The following RB1CC1 variants were observed in gnomAD, a reference collection of about 807,000 sequenced individuals.
RB1CC1 encodes the protein RB1 inducible coiled-coil 1, also known as RB1-inducible coiled-coil protein 1.
A neutral mutation model predicts 177.5 loss-of-function variants in RB1CC1; 46 were observed. The ratio of observed to expected loss-of-function variants is 0.26; its 90% confidence interval spans 0.20 to 0.33. RB1CC1 has a LOEUF of 0.33. Among genes scored for constraint, RB1CC1 ranks in the 10% least tolerant of loss-of-function variants. RB1CC1 has a pLI of 1.00. For synonymous variants in RB1CC1, 666 were observed against 613.6 expected, an observed-to-expected ratio of 1.09 and a Z score of -1.26; for missense variants, 1,703 against 1,816.3, an observed-to-expected ratio of 0.94 and a Z score of 1.13.
intron 8 of RB1CC1, among the ~76,000 whole-genome samples, chr8:52,662,082 A>C (rs554100494): frequency 6.6e-6 from 1 of 152,230 alleles, no homozygotes; most frequent in South Asian, 2.1e-4. Flanking sequence ...AAAAACAATA[A>C]GGGATTTAAT....
At chr8:52,643,039 T>C in intron 16 of RB1CC1, 1 of 370,766 alleles carries the variant, frequency 2.7e-6, no homozygotes, top group Non-Finnish European at 4.5e-6. Flanking sequence ...TTCTTATTAT[T>C]GTCCATATAT....
chr8:52,674,207 T>C lies in RB1CC1; in HGVS notation c.640A>G (p.Arg214Gly). The C allele has an allele frequency of 6.2e-7, 1 of 1,612,420 alleles. No individual in the cohort carries two copies. The change falls in exon 7 of 24, where the codon AGA becomes GGA. Residue 214 changes from arginine (R) to glycine (G), a missense_variant. Around this residue, in one of 6 missense-constraint regions of RB1CC1, gnomAD observed 315 missense variants for 304.9 expected, o/e 1.03. Transcript: ENST00000025008. ...LLECLTRHSY[R>G]ECLGRLDSLP... The stretch of plus-strand genomic sequence containing the variant: ...GAATCCAGTCTTCCCAAACATTCTC[T>C]GTAACTATGTCTGGTTAGGCACTCC...
At chr8:52,693,881 C>A (rs927125067) in intron 1 of RB1CC1, among the ~76,000 whole-genome samples, 1 of 152,122 alleles carries the variant, frequency 6.6e-6, no homozygotes, top group African/African-American at 2.4e-5. Context: ...ACCACCATGG[C>A]ACATGTTTAC....
chr8:52,680,819 C>G (rs529253867), intron 5 of RB1CC1, among the ~76,000 whole-genome samples: 4 of 152,202 alleles, frequency 2.6e-5, no homozygotes, highest in African/African-American at 9.6e-5. Context: ...CTACATTATT[C>G]CATTTATTTA....
intron 7 of RB1CC1, among the ~76,000 whole-genome samples, chr8:52,670,297 T>C (rs758726030): frequency 6.6e-6 from 1 of 152,226 alleles, no homozygotes; most frequent in Admixed American, 6.5e-5. Flanking sequence ...TAAAAATCTT[T>C]GAAGAAATGT....
chr8:52,641,911 G>A (rs1302080923), intron 18 of RB1CC1, among the ~76,000 whole-genome samples: 3 of 151,972 alleles, frequency 2.0e-5, no homozygotes, highest in African/African-American at 7.3e-5. Flanking sequence ...AGTAAGCTCT[G>A]CCACGATTTC....
At chr8:52,676,872 T>A (rs1853179805) in intron 5 of RB1CC1, among the ~76,000 whole-genome samples, 1 of 152,234 alleles carries the variant, frequency 6.6e-6, no homozygotes, top group Non-Finnish European at 1.5e-5. Context: ...ATCTGCCATC[T>A]CAAATGTCAC....
Position 52,623,190 on chromosome 8 carries a change from T to G in RB1CC1, c.*592A>C, listed in dbSNP as rs575720283. The stretch of plus-strand genomic sequence containing the variant: ...TATGGCTGATCTTAAAATCAGTCAA[T>G]CAAATTACAGTTCCTTTTTTTTTTT... On this transcript the variant is annotated 3_prime_UTR_variant, in exon 24 of 24. Coordinates refer to ENST00000025008, the MANE Select transcript of RB1CC1 (RefSeq NM_014781.5). 3 of 151,310 alleles carry G rather than the reference T, an allele frequency of 2.0e-5. No homozygotes were observed. Among genetic ancestry groups the G allele is most frequent in the Non-Finnish European group, 4.3e-5 (3 of 69,562 alleles). The allele number at this position is 151,310 out of a possible 1,614,324, so 9.4% of individuals were successfully genotyped here.
At chr8:52,651,864 T>C (rs1850617369) in intron 15 of RB1CC1, among the ~76,000 whole-genome samples, 1 of 152,144 alleles carries the variant, frequency 6.6e-6, no homozygotes, top group African/African-American at 2.4e-5. Flanking sequence ...AAATCATGCA[T>C]GAGTAAAAAA....
At chr8:52,711,121 T>C (rs562220174) in intron 1 of RB1CC1, among the ~76,000 whole-genome samples, 1 of 151,760 alleles carries the variant, frequency 6.6e-6, no homozygotes, top group East Asian at 1.9e-4. Context: ...TGAAAAAAAA[T>C]GGGCGAGGAT....
rs1026930471 is a variant in RB1CC1, at chr8:52,683,534, T to C, written c.369+15A>G. On this transcript the variant is annotated intron_variant, in intron 5 of 23. Transcript: ENST00000025008. ...TTTTAGAAACAATCAGTTAAAATAATTGTTTATATCTTACCAATGCAAGCT... is the reference window on the plus strand; with the variant it reads ...TTTTAGAAACAATCAGTTAAAATAACTGTTTATATCTTACCAATGCAAGCT... 3.9e-6 allele frequency: 6 copies of C among 1,532,654 alleles called. No homozygotes were observed. In the African/African-American group the frequency reaches 5.6e-5, roughly 14 times the overall value. 94.9% of individuals were successfully genotyped at this position (1,532,654 alleles called of 1,614,324 possible). A position where few individuals can be genotyped will look rare whatever the true frequency, so the allele number is the denominator to read the frequency against.
At chr8:52,633,650 A>C (rs1590920633) in intron 20 of RB1CC1, among the ~76,000 whole-genome samples, 1 of 152,368 alleles carries the variant, frequency 6.6e-6, no homozygotes, top group South Asian at 2.1e-4. Context: ...CAGAAGCCTT[A>C]AACTGTTCCT....
At chr8:52,692,483 G>A in intron 1 of RB1CC1, among the ~76,000 whole-genome samples, 1 of 152,136 alleles carries the variant, frequency 6.6e-6, no homozygotes, top group East Asian at 1.9e-4. Context: ...TGAAGTATAT[G>A]ATATTCTTAC....
Position 52,658,098 on chromosome 8 carries a change from G to A in RB1CC1, c.1820C>T (p.Pro607Leu), listed in dbSNP as rs1303516301. Residue 607 changes from proline to leucine, a missense_variant, in exon 14 of 24, where the codon CCT (proline) becomes CTT (leucine). Transcript: ENST00000025008. ...LRVPLLCDFE[P>L]LHQHVLALHN... ...TAGAGCAAGTACATGCTGGTGTAGA[G>A]GTTCAAAGTCACAAAGTAAGGGAAC... is the stretch of plus-strand genomic sequence containing the variant. 3 of 1,612,306 alleles carry A rather than the reference G, an allele frequency of 1.9e-6. No individual in the cohort carries two copies. In the Admixed American group the frequency reaches 5.0e-5, roughly 27 times the overall value.
At chr8:52,698,047 A>C (rs1445990169) in intron 1 of RB1CC1, among the ~76,000 whole-genome samples, 1 of 152,204 alleles carries the variant, frequency 6.6e-6, no homozygotes, top group Non-Finnish European at 1.5e-5. Flanking sequence ...AGGATTTAAA[A>C]TGTTACGGAT....
chr8:52,629,592 G>A (rs1029977269), intron 21 of RB1CC1, among the ~76,000 whole-genome samples: 2 of 152,118 alleles, frequency 1.3e-5, no homozygotes, highest in African/African-American at 4.8e-5. Flanking sequence ...TTCCCTCTTA[G>A]AATTCAGGAA....
intron 18 of RB1CC1, among the ~76,000 whole-genome samples, chr8:52,640,325 G>C (rs1457425900): frequency 6.6e-6 from 1 of 152,114 alleles, no homozygotes; most frequent in Admixed American, 6.6e-5. Flanking sequence ...ATAAGTTTTG[G>C]TGTTCAATAA....
chr8:52,645,910 G>C (rs1410017995), intron 15 of RB1CC1, 43 bp from the exon 16 acceptor site: 2 of 1,520,858 alleles, frequency 1.3e-6, no homozygotes, highest in African/African-American at 2.8e-5. Flanking sequence ...AAAAATTACA[G>C]ACACACAAAT....
At chr8:52,627,550 T>C (rs950853764) in intron 22 of RB1CC1, among the ~76,000 whole-genome samples, 7 of 152,156 alleles carry the variant, frequency 4.6e-5, no homozygotes, top group African/African-American at 1.7e-4. Context: ...ACATTGTTAC[T>C]TAGTATATTT....
Sources: allele counts gnomAD v4.1 joint callset (sites outside exome capture counted in the v4.1 genomes callset), GRCh38; gene constraint gnomAD v4.1.1; regional missense constraint gnomAD v4.1.1; transcripts MANE v1.5; gene names NCBI Gene and HGNC (gene_info 2026-07-23, HGNC 2026-07-21).